The following UNC79 variants were observed in gnomAD, a reference collection of about 807,000 sequenced individuals.
UNC79 encodes the protein unc-79 subunit of NALCN channel complex, also known as protein unc-79 homolog.
In UNC79, 37 loss-of-function variants were observed where a neutral mutation model predicts 283.1. The ratio of observed to expected loss-of-function variants is 0.13; its 90% confidence interval spans 0.10 to 0.17. UNC79 has a LOEUF of 0.17. UNC79 is among the 10% of genes least tolerant of loss of function. The pLI, the probability that UNC79 is intolerant of heterozygous loss-of-function variation, is 1.00. For synonymous variants in UNC79, 1,107 were observed against 1,200.2 expected (o/e 0.92, Z 1.61); for missense variants, 2,272 against 3,211.1 (o/e 0.71, Z 7.07).
upstream of UNC79, among the ~76,000 whole-genome samples, chr14:93,429,077 A>G (rs1442199588): frequency 6.6e-6 from 1 of 152,070 alleles, no homozygotes; most frequent in African/African-American, 2.4e-5. Flanking sequence ...TTAATTTCCA[A>G]TTACTGTTTT....
intron 14 of UNC79, among the ~76,000 whole-genome samples, chr14:93,563,188 G>A (rs965332478): frequency 2.0e-5 from 3 of 152,148 alleles, no homozygotes; most frequent in Non-Finnish European, 2.9e-5. Flanking sequence ...AGGGGGAGTA[G>A]GTGGGAGTGA....
chr14:93,662,608 T>C, exon 40 of UNC79: 13 of 1,605,396 alleles, frequency 8.1e-6, no homozygotes, highest in Non-Finnish European at 1.1e-5. Flanking sequence ...TTGCAGAGTT[T>C]GTTGGAACCA....
chr14:93,453,989 A>G (rs2056724304), intron 1 of UNC79, among the ~76,000 whole-genome samples: 1 of 151,446 alleles, frequency 6.6e-6, no homozygotes, highest in Non-Finnish European at 1.5e-5. Context: ...CCTTTTCTTT[A>G]TTGCAAGTGT....
At chr14:93,673,299 C>A in intron 40 of UNC79, 52 bp from the exon 44 acceptor site, 1 of 1,539,870 alleles carries the variant, frequency 6.5e-7, no homozygotes, top group Non-Finnish European at 8.9e-7. Flanking sequence ...CATGGATATA[C>A]TCTAATTGAA....
At chr14:93,616,366 CTTTTTT>C (rs71463917) in intron 27 of UNC79, among the ~76,000 whole-genome samples, 1 of 96,240 alleles carries the variant, frequency 1.0e-5, no homozygotes, top group Non-Finnish European at 2.1e-5. Flanking sequence ...TTCTTTTTTC[CTTTTTT>C]TTTTTTTTTT....
intron 1 of UNC79, among the ~76,000 whole-genome samples, chr14:93,451,069 G>A (rs980670969): frequency 1.5e-4 from 22 of 151,224 alleles, no homozygotes; most frequent in African/African-American, 5.1e-4. Context: ...CAGCACAACA[G>A]CGTTCATTTA....
rs539445454 is a variant in UNC79, at chr14:93,570,669, T to C, written c.1756-1225T>C. On this transcript the variant is annotated intron_variant, in intron 14 of 48. Coordinates refer to ENST00000555664, the Ensembl canonical transcript of UNC79. Reference sequence around the variant, plus strand: ...GTTTTAGGCTAGCTGTGATACTTTTTGTGTCCTTCTTTCCATTTCATCCTC... The same window carrying C: ...GTTTTAGGCTAGCTGTGATACTTTTCGTGTCCTTCTTTCCATTTCATCCTC... Among the ~76,000 whole-genome samples the C allele has an allele frequency of 6.6e-5, 10 of 152,324 alleles. No individual in the cohort carries two copies. In the East Asian group the frequency reaches 1.9e-3, roughly 29 times the overall value.
intron 48 of UNC79, among the ~76,000 whole-genome samples, 180 bp downstream of exon 51, chr14:93,704,846 G>A (rs1358341279): frequency 1.3e-5 from 2 of 152,132 alleles, no homozygotes; most frequent in African/African-American, 2.4e-5. Flanking sequence ...GGCAGGGGGT[G>A]GCAGCAGGAA....
chr14:93,434,877 T>C (rs2056024578), intron 1 of UNC79, among the ~76,000 whole-genome samples: 1 of 152,188 alleles, frequency 6.6e-6, no homozygotes, highest in African/African-American at 2.4e-5. Flanking sequence ...TTATGCTTGC[T>C]GCCAAAATGG....
chr14:93,366,679 T>G (rs1385942499), intron 1 of UNC79, among the ~76,000 whole-genome samples: 2 of 151,886 alleles, frequency 1.3e-5, no homozygotes, highest in Non-Finnish European at 2.9e-5. Flanking sequence ...TTCGAGCGAT[T>G]CTTGTGCCTC....
At chr14:93,655,537 A>G in intron 38 of UNC79, 130 bp downstream of exon 41, 4 of 1,061,634 alleles carry the variant, frequency 3.8e-6, no homozygotes, top group Non-Finnish European at 5.3e-6. Flanking sequence ...TCAGCCATGG[A>G]GTGAGGATGC....
At position 93,556,679 on chromosome 14, in the gene UNC79, ACT is replaced by A. The variant is rs1172640053; in HGVS notation, c.1755+13984_1755+13985del. Among the ~76,000 whole-genome samples the A allele has an allele frequency of 1.7e-3, 161 of 92,390 alleles. 1 individual carries two copies. Among genetic ancestry groups the A allele is most frequent in the African/African-American group, 6.1e-3 (156 of 25,720 alleles). The allele number at this position is 92,390 out of a possible 152,430, so 60.6% of individuals were successfully genotyped here. A position where few individuals can be genotyped will look rare whatever the true frequency, so the allele number is the denominator to read the frequency against. ...AGTAAATGGAGAAACAATTCAATTGACTGAGAAAAAAAAAAAACCCAAAAACC... is the reference window on the plus strand; with the variant it reads ...AGTAAATGGAGAAACAATTCAATTGAGAGAAAAAAAAAAAACCCAAAAACC... On this transcript the variant is annotated intron_variant, in intron 14 of 48. Transcript: ENST00000555664.
At position 93,337,937 on chromosome 14, in the gene UNC79, T is replaced by C. The variant is rs150400565; in HGVS notation, c.-351+4414T>C. ...GTCCAGCTGCAGCCTCACATGGAGC[T>C]GGTGTCTATGCCAGTGCCTGGAGCT... On this transcript the variant is annotated intron_variant, in intron 1 of 49. Transcript: ENST00000256339. Among the ~76,000 whole-genome samples the C allele has an allele frequency of 2.8e-3, 425 of 152,226 alleles. 2 individuals carry two copies. The highest frequency in any genetic ancestry group is 4.5e-3 in the Non-Finnish European group (305 of 68,008).
chr14:93,394,408 T>TTTATTTTATTTTATC lies in UNC79; in HGVS notation c.-351+60889_-351+60890insTTTATTTTATCTTAT, dbSNP rs1483499200. Among the ~76,000 whole-genome samples, 6 of 138,150 alleles carry TTTATTTTATTTTATC rather than the reference T, an allele frequency of 4.3e-5. No homozygotes were observed. The East Asian group carries it at 8.6e-4, about 20-fold the overall frequency. 90.6% of individuals were successfully genotyped at this position (138,150 alleles called of 152,430 possible). A position where few individuals can be genotyped will look rare whatever the true frequency, so the allele number is the denominator to read the frequency against. On this transcript the variant is annotated intron_variant, in intron 1 of 49. Coordinates refer to the UNC79 transcript ENST00000256339. ...TTTATTTTATTTTATTTTATTTTAT[T>TTTATTTTATTTTATC]TTATCTTATTTATTTTTTTTGAGAC... is the stretch of plus-strand genomic sequence containing the variant.
At chr14:93,509,503 G>C (rs548650906) in intron 7 of UNC79, among the ~76,000 whole-genome samples, 2 of 152,174 alleles carry the variant, frequency 1.3e-5, no homozygotes, top group Non-Finnish European at 1.5e-5. Flanking sequence ...GATTATAATG[G>C]GGATACAGGC....
chr14:93,572,926 T>G, intron 16 of UNC79, 110 bp downstream of exon 16: 1 of 1,422,906 alleles, frequency 7.0e-7, no homozygotes, highest in Non-Finnish European at 9.4e-7. Context: ...TAAGTCCCCA[T>G]GTTTGCCAAG....
At chr14:93,633,128 T>C (rs2068175574) in intron 31 of UNC79, among the ~76,000 whole-genome samples, 1 of 152,200 alleles carries the variant, frequency 6.6e-6, no homozygotes, top group South Asian at 2.1e-4. Flanking sequence ...TCAAAAAGAA[T>C]TCTGCTTTTG....
chr14:93,485,544 A>T (rs957475717), intron 4 of UNC79, among the ~76,000 whole-genome samples: 1 of 152,062 alleles, frequency 6.6e-6, no homozygotes, highest in Non-Finnish European at 1.5e-5. Context: ...CTGAATTTGA[A>T]CAAGCTGCTT....
At chr14:93,516,647 A>G (rs963051438) in intron 7 of UNC79, among the ~76,000 whole-genome samples, 1 of 152,016 alleles carries the variant, frequency 6.6e-6, no homozygotes, top group Non-Finnish European at 1.5e-5. Flanking sequence ...AGGTTTCACC[A>G]TATTAGCCAG....
Sources: gnomAD v4.1 joint callset for allele counts (sites outside exome capture counted in the v4.1 genomes callset) on GRCh38, gnomAD v4.1.1 for gene constraint, MANE v1.5 for transcripts, NCBI Gene and HGNC (gene_info 2026-07-23, HGNC 2026-07-21) for gene names.